Variants in IL1RAPL1 observed in about 807,000 individuals in gnomAD.
IL1RAPL1 encodes the protein interleukin-1 receptor accessory protein-like 1.
In IL1RAPL1, 3 loss-of-function variants were observed where a neutral mutation model predicts 48.4. That is an observed-to-expected ratio of 0.06 (90% confidence interval 0.03 to 0.16). The LOEUF is 0.16. IL1RAPL1 is among the 10% of genes least tolerant of loss of function. The pLI, the probability that IL1RAPL1 is intolerant of heterozygous loss-of-function variation, is 1.00. For synonymous variants in IL1RAPL1, 185 were observed against 187.7 expected (o/e 0.99, Z 0.12); for missense variants, 349 against 530.6 (o/e 0.66, Z 3.36).
chrX:29,856,528 T>G lies in IL1RAPL1; in HGVS notation c.779-60936T>G, dbSNP rs748796193. ...TATTCATATTAAGTGTAATAAGGAC[T>G]GTAGATAGCCTCACAGTAGTTTCTT... is the stretch of plus-strand genomic sequence containing the variant. On this transcript the variant is annotated intron_variant, in intron 6 of 10. Transcript: ENST00000378993. 2.7e-5 allele frequency among the ~76,000 whole-genome samples: 3 copies of G among 112,107 alleles called. No individual in the cohort carries two copies. In the East Asian group the frequency reaches 8.4e-4, roughly 31 times the overall value.
chrX:28,890,904 T>G (rs1427234876), intron 2 of IL1RAPL1, among the ~76,000 whole-genome samples: 1 of 112,334 alleles, frequency 8.9e-6, no homozygotes, highest in Non-Finnish European at 1.9e-5. Context: ...ATGAAGGTGT[T>G]TGTGACAGAT....
chrX:29,794,961 G>A (rs1929710905), intron 6 of IL1RAPL1, among the ~76,000 whole-genome samples: 1 of 111,857 alleles, frequency 8.9e-6, no homozygotes, highest in South Asian at 3.7e-4. Context: ...TTCTTGGGTG[G>A]CATTTTTAGA....
At chrX:28,665,093 G>A (rs930764340) in intron 1 of IL1RAPL1, among the ~76,000 whole-genome samples, 2 of 111,527 alleles carry the variant, frequency 1.8e-5, no homozygotes, top group South Asian at 7.5e-4. Flanking sequence ...TGTGTACTCC[G>A]GTAAAGCACA....
chrX:29,378,350 T>C (rs11798327), intron 3 of IL1RAPL1, among the ~76,000 whole-genome samples: 11,742 of 111,126 alleles, frequency 0.11, 468 homozygotes, highest in South Asian at 0.17. Flanking sequence ...GCCAGCCAGG[T>C]TCTGAATTTT....
intron 4 of IL1RAPL1, among the ~76,000 whole-genome samples, chrX:29,398,605 T>C (rs1292621913): frequency 2.7e-5 from 3 of 112,332 alleles, no homozygotes; most frequent in Non-Finnish European, 5.6e-5. Context: ...TGAAGAGATT[T>C]AATTTTTACT....
chrX:29,244,583 A>G lies in IL1RAPL1; in HGVS notation c.83-38355A>G, dbSNP rs949436071. On this transcript the variant is annotated intron_variant, in intron 2 of 10. Coordinates refer to ENST00000378993, the MANE Select transcript of IL1RAPL1 (RefSeq NM_014271.4). The stretch of plus-strand genomic sequence containing the variant: ...CATAACATTTCAGAAGTCAAGGTTT[A>G]ACAGTCAGCAAATAAACATATTTGC... Among the ~76,000 whole-genome samples the G allele has an allele frequency of 7.1e-5, 8 of 112,439 alleles. No individual in the cohort carries two copies. The Admixed American group carries it at 7.5e-4, about 11-fold the overall frequency.
At chrX:29,737,940 T>G (rs969921604) in intron 6 of IL1RAPL1, among the ~76,000 whole-genome samples, 1 of 112,541 alleles carries the variant, frequency 8.9e-6, no homozygotes. Flanking sequence ...ATTTTATGGC[T>G]TAGAAGATGT....
At chrX:28,706,106 G>A (rs1935370951) in intron 1 of IL1RAPL1, among the ~76,000 whole-genome samples, 1 of 112,087 alleles carries the variant, frequency 8.9e-6, no homozygotes, top group Non-Finnish European at 1.9e-5. Flanking sequence ...GCCACATAAG[G>A]ATGTTTCAGT....
chrX:28,869,481 G>T (rs1159234119), intron 2 of IL1RAPL1, among the ~76,000 whole-genome samples: 1 of 111,607 alleles, frequency 9.0e-6, no homozygotes, highest in Non-Finnish European at 1.9e-5. Flanking sequence ...TTGATACATT[G>T]GAATACTTAT....
At chrX:29,797,195 T>A (rs1443157517) in intron 6 of IL1RAPL1, among the ~76,000 whole-genome samples, 2 of 112,612 alleles carry the variant, frequency 1.8e-5, no homozygotes, top group Non-Finnish European at 3.7e-5. Context: ...GTCAAAGATT[T>A]TGCTTCTCTT....
chrX:29,900,576 C>T (rs1045177651), intron 6 of IL1RAPL1, among the ~76,000 whole-genome samples: 4 of 112,050 alleles, frequency 3.6e-5, no homozygotes, highest in Middle Eastern at 4.6e-3. Context: ...CCTAAATAAA[C>T]CAAGGTCTAA....
At chrX:29,901,443 G>C (rs1219157195) in intron 6 of IL1RAPL1, among the ~76,000 whole-genome samples, 1 of 112,133 alleles carries the variant, frequency 8.9e-6, no homozygotes, top group Non-Finnish European at 1.9e-5. Context: ...CATGTAAGTT[G>C]TGATTCTCTT....
intron 2 of IL1RAPL1, among the ~76,000 whole-genome samples, chrX:29,033,955 G>T (rs1184133205): frequency 1.8e-5 from 2 of 110,292 alleles, no homozygotes; most frequent in African/African-American, 6.6e-5. Context: ...ATGAAATAAT[G>T]GCCATGCCAC....
chrX:29,322,373 TCTCCTGCCTCAGC>T (rs1376964228), intron 3 of IL1RAPL1, among the ~76,000 whole-genome samples: 27 of 110,242 alleles, frequency 2.4e-4, no homozygotes, highest in African/African-American at 8.9e-4. Context: ...TTCAAGTGAT[TCTCCTGCCTCAGC>T]CTCCTGTGTA....
intron 2 of IL1RAPL1, among the ~76,000 whole-genome samples, chrX:28,832,339 T>G (rs1212475573): frequency 9.0e-6 from 1 of 111,516 alleles, no homozygotes; most frequent in African/African-American, 3.2e-5. Flanking sequence ...GAAGTACTCT[T>G]AAAAGTTTAG....
chrX:29,067,295 A>G (rs1363685030), intron 2 of IL1RAPL1, among the ~76,000 whole-genome samples: 1 of 111,998 alleles, frequency 8.9e-6, no homozygotes, highest in African/African-American at 3.2e-5. Context: ...CAAGAAAAAT[A>G]AAACAGGATT....
intron 2 of IL1RAPL1, among the ~76,000 whole-genome samples, chrX:29,210,745 C>T: frequency 8.9e-6 from 1 of 111,772 alleles, no homozygotes; most frequent in East Asian, 2.8e-4. Context: ...TCCCCTTGTC[C>T]TTTACAATAA....
intron 5 of IL1RAPL1, among the ~76,000 whole-genome samples, chrX:29,533,978 T>C (rs1402103487): frequency 9.0e-6 from 1 of 111,364 alleles, no homozygotes; most frequent in Non-Finnish European, 1.9e-5. Flanking sequence ...TAGATTAAGG[T>C]TGTTATTGCA....
chrX:29,033,985 C>A (rs191414039), intron 2 of IL1RAPL1, among the ~76,000 whole-genome samples: 1 of 110,969 alleles, frequency 9.0e-6, no homozygotes, highest in African/African-American at 3.3e-5. Context: ...AATTATAGTA[C>A]CTGCCATAAT....
Sources: gnomAD v4.1 joint callset for allele counts (sites outside exome capture counted in the v4.1 genomes callset) on GRCh38, gnomAD v4.1.1 for gene constraint, MANE v1.5 for transcripts, NCBI Gene and HGNC (gene_info 2026-07-23, HGNC 2026-07-21) for gene names.